The following C8orf34 variants were observed in gnomAD, a reference collection of about 807,000 sequenced individuals.
C8orf34 encodes uncharacterized protein C8orf34.
Under a neutral mutation model 68.3 loss-of-function variants are expected in C8orf34, and 65 were observed. That is an observed-to-expected ratio of 0.95 (90% CI 0.78 to 1.17). C8orf34 has a LOEUF of 1.17. C8orf34 is among the 50% of genes most tolerant of loss of function. C8orf34 has a pLI of 0.00. For missense variants in C8orf34, 664 were observed against 655.4 expected (o/e 1.01, Z -0.14); for synonymous variants, 244 against 241.2 (o/e 1.01, Z -0.11).
chr8:68,490,435 T>C (rs901563013), intron 5 of C8orf34, among the ~76,000 whole-genome samples: 3 of 152,100 alleles, frequency 2.0e-5, no homozygotes, highest in African/African-American at 7.2e-5. Context: ...ACAGGATAAA[T>C]TATGGATGCC....
chr8:68,792,267 A>G (rs1824018304), intron 12 of C8orf34: 1 of 152,184 alleles, frequency 6.6e-6, no homozygotes, highest in South Asian at 2.1e-4. Flanking sequence ...TATTAAAAGT[A>G]TGCTTAAGAT....
intron 11 of C8orf34, among the ~76,000 whole-genome samples, chr8:68,784,800 GTA>G (rs1823795998): frequency 1.5e-5 from 2 of 130,554 alleles, no homozygotes; most frequent in South Asian, 2.4e-4. Context: ...GTATGTGTGT[GTA>G]TGTGTGTGTG....
intron 5 of C8orf34, among the ~76,000 whole-genome samples, chr8:68,493,532 G>A (rs899624436): frequency 1.3e-5 from 2 of 152,254 alleles, no homozygotes; most frequent in African/African-American, 4.8e-5. Context: ...CACTGTTTGT[G>A]GGAATGTAAA....
Position 68,372,488 on chromosome 8 carries a change from T to C in C8orf34, c.327+41149T>C, listed in dbSNP as rs184280102. On this transcript the variant is annotated intron_variant, in intron 1 of 13. Transcript: ENST00000518698. ...TCTCCAATGCCAAAGAAGCTAGAGATGGTTCTCTGGTGGGCCAAGGGGTTA... is the reference window on the plus strand; with the variant it reads ...TCTCCAATGCCAAAGAAGCTAGAGACGGTTCTCTGGTGGGCCAAGGGGTTA... Among the ~76,000 whole-genome samples the C allele has an allele frequency of 2.6e-5, 4 of 152,202 alleles. No homozygotes were observed. In the East Asian group the frequency reaches 7.7e-4, roughly 29 times the overall value.
chr8:68,381,556 C>T (rs377139906), intron 1 of C8orf34, among the ~76,000 whole-genome samples: 1 of 150,362 alleles, frequency 6.7e-6, no homozygotes, highest in South Asian at 2.1e-4. Flanking sequence ...CAAGGTGAAA[C>T]CCCGTCTCTA....
intron 7 of C8orf34, among the ~76,000 whole-genome samples, chr8:68,581,732 T>G (rs908797160): frequency 2.6e-5 from 4 of 152,038 alleles, no homozygotes; most frequent in Non-Finnish European, 4.4e-5. Flanking sequence ...GGCAGTGGAG[T>G]ACAGCCACTG....
chr8:68,414,030 C>G (rs986583391), intron 1 of C8orf34, among the ~76,000 whole-genome samples: 3 of 152,154 alleles, frequency 2.0e-5, no homozygotes, highest in Non-Finnish European at 4.4e-5. Context: ...TACCCTGGAG[C>G]CTTTGCATGG....
At chr8:68,591,566 A>G (rs1817389012) in intron 7 of C8orf34, among the ~76,000 whole-genome samples, 1 of 152,204 alleles carries the variant, frequency 6.6e-6, no homozygotes, top group African/African-American at 2.4e-5. Context: ...ACTACAGGCT[A>G]ATGTAACATA....
chr8:68,407,980 T>C (rs946400644), intron 1 of C8orf34, among the ~76,000 whole-genome samples: 1 of 152,086 alleles, frequency 6.6e-6, no homozygotes, highest in Non-Finnish European at 1.5e-5. Context: ...CCCCGGGCCA[T>C]GGACTGTTAC....
intron 11 of C8orf34, among the ~76,000 whole-genome samples, chr8:68,777,505 T>A (rs7461173): frequency 6.6e-5 from 10 of 152,168 alleles, no homozygotes; most frequent in African/African-American, 1.9e-4. Flanking sequence ...GCCTTTTCAC[T>A]TAAAGTACTT....
At chr8:68,709,696 A>G (rs993503298) in intron 9 of C8orf34, among the ~76,000 whole-genome samples, 6 of 152,046 alleles carry the variant, frequency 3.9e-5, no homozygotes, top group Non-Finnish European at 8.8e-5. Context: ...TCCTCGGACT[A>G]TCTCACCCCT....
At chr8:68,629,688 G>A (rs1328663770) in intron 7 of C8orf34, among the ~76,000 whole-genome samples, 1 of 152,052 alleles carries the variant, frequency 6.6e-6, no homozygotes, top group African/African-American at 2.4e-5. Flanking sequence ...AATAATAAAT[G>A]AGAAAGATCA....
At chr8:68,451,095 A>G (rs1010580498) in intron 3 of C8orf34, among the ~76,000 whole-genome samples, 3 of 152,060 alleles carry the variant, frequency 2.0e-5, no homozygotes, top group Non-Finnish European at 4.4e-5. Flanking sequence ...CGTTTGTGTT[A>G]TGGAGATGGC....
chr8:68,408,593 T>TCTCAGAAATC (rs1370229910), intron 1 of C8orf34, among the ~76,000 whole-genome samples: 4 of 152,200 alleles, frequency 2.6e-5, no homozygotes, highest in African/African-American at 9.6e-5. Flanking sequence ...AGATTTCTGG[T>TCTCAGAAATC]TGTCCATTCA....
chr8:68,662,933 GA>G (rs1232253239), intron 8 of C8orf34, among the ~76,000 whole-genome samples: 1 of 152,194 alleles, frequency 6.6e-6, no homozygotes, highest in Non-Finnish European at 1.5e-5. Flanking sequence ...CTTTGGCATA[GA>G]GATTATTTTG....
chr8:68,383,185 A>T (rs1808115530), intron 1 of C8orf34, among the ~76,000 whole-genome samples: 1 of 152,220 alleles, frequency 6.6e-6, no homozygotes, highest in African/African-American at 2.4e-5. Context: ...TATCATGGCC[A>T]TGTTTATATT....
At chr8:68,435,957 C>T (rs912461084) in intron 1 of C8orf34, among the ~76,000 whole-genome samples, 10 of 152,206 alleles carry the variant, frequency 6.6e-5, no homozygotes, top group African/African-American at 1.9e-4. Context: ...CCTATAATCA[C>T]AGCACTTTGG....
chr8:68,524,510 G>A lies in C8orf34; in HGVS notation c.938+2539G>A, dbSNP rs140683904. Among the ~76,000 whole-genome samples, 977 of 152,270 alleles carry A rather than the reference G, an allele frequency of 6.4e-3. 15 individuals are homozygous for A. Among genetic ancestry groups the A allele is most frequent in the African/African-American group, 0.022 (911 of 41,534 alleles). ...GCCACATCTTTCTTAGATTCTCAAA[G>A]CAGTTCAGAATTAAGAGTGCTTAAG... On this transcript the variant is annotated intron_variant, in intron 6 of 13. Transcript: ENST00000518698.
intron 10 of C8orf34, among the ~76,000 whole-genome samples, chr8:68,749,347 G>A (rs147125148): frequency 0.013 from 1,941 of 151,800 alleles, 38 homozygotes; most frequent in African/African-American, 0.044. Context: ...TGTAACTAAC[G>A]TGCACATTGT....
Sources: allele counts gnomAD v4.1 joint callset (sites outside exome capture counted in the v4.1 genomes callset), GRCh38; gene constraint gnomAD v4.1.1; transcripts MANE v1.5; gene names NCBI Gene and HGNC (gene_info 2026-07-23, HGNC 2026-07-21).